The following MYO10 variants were observed in gnomAD, a reference collection of about 807,000 sequenced individuals.
MYO10 encodes unconventional myosin-X.
Under a neutral mutation model 257.3 loss-of-function variants are expected in MYO10, and 133 were observed. The observed-to-expected ratio is 0.52, with a 90% CI of 0.45 to 0.60. MYO10 has a LOEUF of 0.60. Among genes scored for constraint, MYO10 ranks in the 20% least tolerant of loss-of-function variants. The probability of loss-of-function intolerance (pLI) is 0.00; values close to 1 mark genes in which losing one functional copy is unlikely to be tolerated. For synonymous variants in MYO10, 1,104 were observed against 1,028.6 expected (o/e 1.07, Z -1.40); for missense variants, 2,399 against 2,635.7 (o/e 0.91, Z 1.97).
chr5:16,675,268 C>T, intron 34 of MYO10, 118 bp from the exon 35 acceptor site: 1 of 970,418 alleles, frequency 1.0e-6, no homozygotes, highest in Non-Finnish European at 1.6e-6. Context: ...CAATGCCCAC[C>T]ACACTCCCTA....
At chr5:16,725,032 G>A (rs1009862947) in intron 19 of MYO10, among the ~76,000 whole-genome samples, 1 of 147,834 alleles carries the variant, frequency 6.8e-6, no homozygotes, top group Admixed American at 6.8e-5. Context: ...CAGAATCTTA[G>A]AGACAGTTAA....
At chr5:16,934,870 C>G (rs1746390594) in intron 1 of MYO10, among the ~76,000 whole-genome samples, 1 of 152,182 alleles carries the variant, frequency 6.6e-6, no homozygotes, top group Non-Finnish European at 1.5e-5. Flanking sequence ...CTGGAAGACT[C>G]CAAAGCGGTT....
At chr5:16,747,393 C>G (rs1740226931) in intron 19 of MYO10, among the ~76,000 whole-genome samples, 1 of 148,962 alleles carries the variant, frequency 6.7e-6, no homozygotes, top group Non-Finnish European at 1.5e-5. Context: ...GTTGAGCACT[C>G]ACACACCATG....
Position 16,701,566 on chromosome 5 carries a change from C to T in MYO10, c.2829G>A (p.Glu943=), listed in dbSNP as rs765118956. 4.2e-5 allele frequency: 68 copies of T among 1,613,774 alleles called. 2 individuals carry two copies. In the South Asian group the frequency reaches 7.1e-4, roughly 17 times the overall value. Residue 943 remains glutamate (E), a synonymous_variant, in exon 25 of 41, where the codon GAG becomes GAA. Coordinates refer to ENST00000513610, the MANE Select transcript of MYO10 (RefSeq NM_012334.3). The surrounding 1 kb of genome is among the most constrained non-coding windows in gnomAD (Gnocchi z 8.1). ...EACRAAQEFL[E]SLNFDEIDEC... ...CGTCGATCTCGTCGAAATTGAGGGACTCGAGGAACTCCTGGGCCGCCCTGC... is the reference window on the plus strand; with the variant it reads ...CGTCGATCTCGTCGAAATTGAGGGATTCGAGGAACTCCTGGGCCGCCCTGC...
chr5:16,759,780 T>C (rs1007735963), intron 17 of MYO10, among the ~76,000 whole-genome samples: 2 of 152,208 alleles, frequency 1.3e-5, no homozygotes, highest in African/African-American at 4.8e-5. Flanking sequence ...TGGTGTTTTT[T>C]AAACACCCAT....
At chr5:16,813,435 C>CTA (rs933388210) in intron 3 of MYO10, among the ~76,000 whole-genome samples, 1 of 151,366 alleles carries the variant, frequency 6.6e-6, no homozygotes, top group African/African-American at 2.4e-5. Flanking sequence ...TACTGTAGTA[C>CTA]TATATATATA....
At chr5:16,702,320 G>A (rs1254230972) in intron 24 of MYO10, among the ~76,000 whole-genome samples, 2 of 152,198 alleles carry the variant, frequency 1.3e-5, no homozygotes, top group Admixed American at 6.5e-5. Flanking sequence ...TGGTTATACC[G>A]ATTTAGAGAA....
chr5:16,847,872 G>C (rs1743683381), intron 2 of MYO10, among the ~76,000 whole-genome samples: 1 of 152,084 alleles, frequency 6.6e-6, no homozygotes, highest in Non-Finnish European at 1.5e-5. Flanking sequence ...GCTCCAGTCT[G>C]GGCAACATAG....
intron 2 of MYO10, among the ~76,000 whole-genome samples, chr5:16,866,176 C>T (rs1211094164): frequency 6.6e-6 from 1 of 152,084 alleles, no homozygotes; most frequent in Non-Finnish European, 1.5e-5. Context: ...ATCCTTCAGA[C>T]ACCCAGCAGA....
chr5:16,920,536 G>A (rs2126800269), intron 1 of MYO10, among the ~76,000 whole-genome samples: 1 of 152,298 alleles, frequency 6.6e-6, no homozygotes, highest in Admixed American at 6.5e-5. Flanking sequence ...TGCCACCAAA[G>A]GTGAGCCCAA....
intron 2 of MYO10, among the ~76,000 whole-genome samples, chr5:16,835,948 GTGTCTT>G (rs1345652357): frequency 6.6e-6 from 1 of 152,126 alleles, no homozygotes; most frequent in Non-Finnish European, 1.5e-5. Flanking sequence ...AGAAATTGCT[GTGTCTT>G]TGTAAGTGTC....
chr5:16,680,544 A>T (rs1049821994), intron 32 of MYO10, among the ~76,000 whole-genome samples: 4 of 152,138 alleles, frequency 2.6e-5, no homozygotes, highest in African/African-American at 4.8e-5. Context: ...GTGAGTTCAG[A>T]GGCAAGCTGT....
intron 1 of MYO10, among the ~76,000 whole-genome samples, chr5:16,911,022 C>T (rs1173594627): frequency 2.0e-5 from 3 of 152,058 alleles, no homozygotes; most frequent in African/African-American, 7.3e-5. Flanking sequence ...CTTCAAGAGA[C>T]AAGATTATCC....
chr5:16,890,940 G>C (rs902923586), intron 1 of MYO10, among the ~76,000 whole-genome samples: 1 of 151,804 alleles, frequency 6.6e-6, no homozygotes, highest in African/African-American at 2.4e-5. Flanking sequence ...CAGTCACAAA[G>C]GACCACATGT....
intron 1 of MYO10, among the ~76,000 whole-genome samples, chr5:16,886,131 G>A (rs866318024): frequency 2.0e-5 from 3 of 152,206 alleles, no homozygotes; most frequent in Non-Finnish European, 2.9e-5. Context: ...CGGCCATGTA[G>A]GCCCTGAAAG....
At chr5:16,766,825 G>A (rs749876294) in intron 10 of MYO10, among the ~76,000 whole-genome samples, 7 of 139,214 alleles carry the variant, frequency 5.0e-5, no homozygotes, top group East Asian at 2.1e-4. Flanking sequence ...GCTGGAGTAC[G>A]GTGGCATGAT....
chr5:16,927,277 G>T (rs1409527988), intron 1 of MYO10, among the ~76,000 whole-genome samples: 1 of 152,032 alleles, frequency 6.6e-6, no homozygotes, highest in Admixed American at 6.6e-5. Context: ...CCACACCATG[G>T]GAGCTTCTTT....
chr5:16,772,006 AAAAG>A (rs1560976541), intron 9 of MYO10, among the ~76,000 whole-genome samples: 1 of 152,146 alleles, frequency 6.6e-6, no homozygotes, highest in Non-Finnish European at 1.5e-5. Context: ...AAATTTCAAG[AAAAG>A]AAAAAAAACC....
Position 16,682,030 on chromosome 5 carries a change from G to A in MYO10, c.4047-17C>T, listed in dbSNP as rs1737030174. 1 of 1,611,106 alleles carries A rather than the reference G, an allele frequency of 6.2e-7. No homozygotes were observed. The highest frequency in any genetic ancestry group is 8.5e-7 in the Non-Finnish European group (1 of 1,179,466). On this transcript the variant is annotated splice_polypyrimidine_tract_variant and intron_variant, in intron 30 of 40. Transcript: ENST00000513610. ...GAGTTGGGTCTGAGCCACAAGATGA[G>A]AAGGAAACAAAGCCCCTTAGCCCTA... is the stretch of plus-strand genomic sequence containing the variant.
Sources: allele counts gnomAD v4.1 joint callset (sites outside exome capture counted in the v4.1 genomes callset), GRCh38; gene constraint gnomAD v4.1.1; non-coding constraint Gnocchi (gnomAD v3.1); transcripts MANE v1.5; gene names NCBI Gene and HGNC (gene_info 2026-07-23, HGNC 2026-07-21).